DNAH11: variants seen among roughly 807,000 people sequenced by gnomAD.
DNAH11 encodes dynein axonemal heavy chain 11, also known as axonemal beta dynein heavy chain 11.
In DNAH11, 442 loss-of-function variants were observed where a neutral mutation model predicts 526.0. The observed-to-expected ratio is 0.84, with a 90% CI of 0.78 to 0.91. The LOEUF is 0.91. Among genes scored for constraint, DNAH11 ranks in the 40% least tolerant of loss-of-function variants. The pLI is 0.00. For synonymous variants in DNAH11, 2,461 were observed against 1,935.9 expected (o/e 1.27, Z -7.12); for missense variants, 6,989 against 5,448.7 (o/e 1.28, Z -8.90).
At chr7:21,579,774 A>C (rs1784241279) in intron 8 of DNAH11, among the ~76,000 whole-genome samples, 1 of 152,200 alleles carries the variant, frequency 6.6e-6, no homozygotes. Context: ...ACATGATAAG[A>C]TTTCTATTTT....
chr7:21,885,852 C>T (rs1784106945), intron 76 of DNAH11, among the ~76,000 whole-genome samples: 1 of 152,206 alleles, frequency 6.6e-6, no homozygotes, highest in African/African-American at 2.4e-5. Flanking sequence ...ACCAAGCATC[C>T]TTTTCCCATT....
At chr7:21,709,384 G>A (rs1465700090) in intron 40 of DNAH11, among the ~76,000 whole-genome samples, 1 of 152,104 alleles carries the variant, frequency 6.6e-6, no homozygotes, top group Non-Finnish European at 1.5e-5. Context: ...GGTACATGTG[G>A]ACATAAAGAT....
At chr7:21,680,703 T>C (rs1783102670) in intron 30 of DNAH11, among the ~76,000 whole-genome samples, 1 of 152,168 alleles carries the variant, frequency 6.6e-6, no homozygotes, top group Non-Finnish European at 1.5e-5. Flanking sequence ...GTTTGAAAAA[T>C]ATTTATCTAC....
intron 35 of DNAH11, 97 bp downstream of exon 35, chr7:21,690,978 C>A (rs986011100): frequency 1.2e-6 from 1 of 867,752 alleles, no homozygotes; most frequent in Non-Finnish European, 1.8e-6. Context: ...CTTGAAAATT[C>A]CTAAGGAAAA....
At chr7:21,557,497 T>G (rs1318990842) in intron 2 of DNAH11, among the ~76,000 whole-genome samples, 1 of 152,148 alleles carries the variant, frequency 6.6e-6, no homozygotes, top group Non-Finnish European at 1.5e-5. Context: ...TGTCTTCACA[T>G]GGTGGAAGGG....
At chr7:21,810,969 CAT>C (rs984311404) in intron 63 of DNAH11, among the ~76,000 whole-genome samples, 6 of 152,226 alleles carry the variant, frequency 3.9e-5, no homozygotes, top group Non-Finnish European at 5.9e-5. Flanking sequence ...AATTCAAACA[CAT>C]GTTTGCTTGC....
chr7:21,688,329 A>G (rs904221564), intron 34 of DNAH11, among the ~76,000 whole-genome samples: 1 of 152,172 alleles, frequency 6.6e-6, no homozygotes, highest in Admixed American at 6.5e-5. Context: ...TACCTGGAAA[A>G]ATGCCTACCA....
chr7:21,876,406 A>G (rs1783713678), intron 74 of DNAH11, among the ~76,000 whole-genome samples: 1 of 152,258 alleles, frequency 6.6e-6, no homozygotes, highest in Non-Finnish European at 1.5e-5. Flanking sequence ...AGAAAACAAA[A>G]TGCAGTTTTT....
At chr7:21,672,253 T>A (rs1297413570) in intron 30 of DNAH11, among the ~76,000 whole-genome samples, 3 of 152,170 alleles carry the variant, frequency 2.0e-5, no homozygotes, top group Non-Finnish European at 4.4e-5. Context: ...ATTGTAATGT[T>A]CACTTTGATC....
chr7:21,705,364 T>A, intron 38 of DNAH11, 96 bp from the exon 39 acceptor site: 3 of 1,199,764 alleles, frequency 2.5e-6, no homozygotes, highest in Non-Finnish European at 3.6e-6. Flanking sequence ...GGGGCTGGCT[T>A]GGGTGTAAGG....
At chr7:21,708,463 G>C (rs146265631) in intron 40 of DNAH11, among the ~76,000 whole-genome samples, 45 of 152,312 alleles carry the variant, frequency 3.0e-4, no homozygotes, top group African/African-American at 9.9e-4. Context: ...TACTACAGCA[G>C]CGTGTAATCT....
chr7:21,891,839 C>T (rs1285343803), intron 76 of DNAH11, among the ~76,000 whole-genome samples: 1 of 152,098 alleles, frequency 6.6e-6, no homozygotes, highest in South Asian at 2.1e-4. Flanking sequence ...ATGGCCTATA[C>T]ATGGTACTTA....
At chr7:21,679,948 C>A (rs904852211) in intron 30 of DNAH11, among the ~76,000 whole-genome samples, 7 of 152,094 alleles carry the variant, frequency 4.6e-5, no homozygotes, top group Non-Finnish European at 8.8e-5. Context: ...TATACATATG[C>A]CATGTTGGTG....
At chr7:21,649,461 C>T (rs1787524748) in intron 28 of DNAH11, among the ~76,000 whole-genome samples, 1 of 151,882 alleles carries the variant, frequency 6.6e-6, no homozygotes, top group Non-Finnish European at 1.5e-5. Flanking sequence ...TACCACATAG[C>T]AATAAAAATG....
intron 79 of DNAH11, among the ~76,000 whole-genome samples, chr7:21,897,056 CAG>C (rs1562610079): frequency 6.6e-6 from 1 of 152,124 alleles, no homozygotes; most frequent in Non-Finnish European, 1.5e-5. Context: ...GCCTGGGTGA[CAG>C]AGCAAGACCC....
chr7:21,606,333 A>G, intron 18 of DNAH11, 93 bp from the exon 19 acceptor site: 1 of 1,115,932 alleles, frequency 9.0e-7, no homozygotes, highest in Non-Finnish European at 1.3e-6. Context: ...AAGAGAAAAA[A>G]AAAAAAGAAA....
chr7:21,762,029 C>T (rs184812957), intron 54 of DNAH11, among the ~76,000 whole-genome samples: 3 of 152,198 alleles, frequency 2.0e-5, no homozygotes, highest in Admixed American at 2.0e-4. Flanking sequence ...ATCTGAAGTG[C>T]ATGCAGGGGA....
chr7:21,812,458 C>T (rs183413100), intron 63 of DNAH11, among the ~76,000 whole-genome samples: 34 of 151,766 alleles, frequency 2.2e-4, no homozygotes, highest in Non-Finnish European at 4.6e-4. Flanking sequence ...CTCTTGAGGC[C>T]AGGAGTTTGA....
intron 68 of DNAH11, among the ~76,000 whole-genome samples, chr7:21,860,813 C>T (rs965618729): frequency 6.6e-6 from 1 of 152,156 alleles, no homozygotes; most frequent in South Asian, 2.1e-4. Context: ...CACAGTTCCA[C>T]GTGGCTGGGG....
Sources: allele counts gnomAD v4.1 joint callset (sites outside exome capture counted in the v4.1 genomes callset), GRCh38; gene constraint gnomAD v4.1.1; transcripts MANE v1.5; gene names NCBI Gene and HGNC (gene_info 2026-07-23, HGNC 2026-07-21).